EFCAB11: variants seen among roughly 807,000 people sequenced by gnomAD.
EFCAB11 encodes EF-hand calcium-binding domain-containing protein 11.
A neutral mutation model predicts 23.0 loss-of-function variants in EFCAB11; 14 were observed. The ratio of observed to expected loss-of-function variants is 0.61; its 90% CI spans 0.40 to 0.95. The LOEUF (loss-of-function observed/expected upper bound fraction) is 0.95, where lower values mean the gene tolerates loss of function less well. EFCAB11 is among the 40% of genes least tolerant of loss of function. The pLI is 0.00. For synonymous variants in EFCAB11, 65 were observed against 66.6 expected, an observed-to-expected ratio of 0.98 and a Z score of 0.11; for missense variants, 198 against 195.8, an observed-to-expected ratio of 1.01 and a Z score of -0.07.
At chr14:89,897,117 T>C (rs1889192986) in intron 5 of EFCAB11, among the ~76,000 whole-genome samples, 1 of 151,986 alleles carries the variant, frequency 6.6e-6, no homozygotes. Flanking sequence ...TCACAAAGAC[T>C]ACATACATTT....
chr14:89,924,428 A>C, intron 5 of EFCAB11: 1 of 1,341,084 alleles, frequency 7.5e-7, no homozygotes, highest in South Asian at 1.6e-5. Context: ...TTCACATTTC[A>C]TCTCATGACT....
chr14:89,856,420 G>A (rs1410415107), intron 5 of EFCAB11, among the ~76,000 whole-genome samples: 1 of 152,002 alleles, frequency 6.6e-6, no homozygotes, highest in East Asian at 1.9e-4. Flanking sequence ...GAACTCCTGA[G>A]CTCAAGCAAT....
intron 5 of EFCAB11, among the ~76,000 whole-genome samples, chr14:89,885,771 GAAAGAA>G (rs1888745681): frequency 6.7e-6 from 1 of 148,206 alleles, no homozygotes; most frequent in Non-Finnish European, 1.5e-5. Flanking sequence ...AAGAAAGAAA[GAAAGAA>G]AGAGAGAAAG....
At chr14:89,803,030 C>T (rs879526363) in intron 5 of EFCAB11, among the ~76,000 whole-genome samples, 7 of 152,144 alleles carry the variant, frequency 4.6e-5, no homozygotes, top group Non-Finnish European at 7.3e-5. Context: ...GGCAGCATCC[C>T]TGGCCTCCAC....
In EFCAB11 at chr14:89,927,965, C is replaced by T. The variant is rs970718359; in HGVS notation, c.410+3576G>A. Reference sequence around the variant, plus strand: ...CTGGAACTCCTGACTTCAGGTGATCCGCCCGCCTCGGCCTCCCAAAGTGCT... The same window carrying T: ...CTGGAACTCCTGACTTCAGGTGATCTGCCCGCCTCGGCCTCCCAAAGTGCT... On this transcript the variant is annotated intron_variant, in intron 5 of 5. Coordinates refer to ENST00000316738, the MANE Select transcript of EFCAB11 (RefSeq NM_145231.4). Among the ~76,000 whole-genome samples, 4 of 152,122 alleles carry T rather than the reference C, an allele frequency of 2.6e-5. 1 individual carries two copies. The highest frequency in any genetic ancestry group is 4.8e-5 in the African/African-American group (2 of 41,422).
intron 3 of EFCAB11, among the ~76,000 whole-genome samples, chr14:89,943,608 T>C (rs1019985619): frequency 1.3e-5 from 2 of 152,218 alleles, no homozygotes; most frequent in African/African-American, 4.8e-5. Context: ...ACATTTAATC[T>C]GCACATGTGC....
At chr14:89,865,549 T>C (rs903369484) in intron 5 of EFCAB11, among the ~76,000 whole-genome samples, 19 of 152,160 alleles carry the variant, frequency 1.2e-4, no homozygotes, top group Admixed American at 5.9e-4. Flanking sequence ...ATGCCCAGGC[T>C]GGAGTGCAGT....
At chr14:89,867,026 C>T (rs1455639707) in intron 5 of EFCAB11, among the ~76,000 whole-genome samples, 1 of 152,190 alleles carries the variant, frequency 6.6e-6, no homozygotes, top group African/African-American at 2.4e-5. Context: ...CTTGGTCTCC[C>T]AAAGTGCTGG....
intron 5 of EFCAB11, among the ~76,000 whole-genome samples, chr14:89,930,258 T>G (rs1471599264): frequency 6.6e-6 from 1 of 152,218 alleles, no homozygotes; most frequent in East Asian, 1.9e-4. Flanking sequence ...ACTGCAAATC[T>G]TCATTCAAAT....
rs181665775 is a variant in EFCAB11 at position 89,872,057 on chromosome 14, A to G, written c.410+59484T>C. On this transcript the variant is annotated intron_variant, in intron 5 of 5. Transcript: ENST00000316738. Reference sequence around the variant, plus strand: ...GTAACTGATGAAAAGGAAGATGTAAATTTTATCATCCATCCCTTTAAGAAA... The same window carrying G: ...GTAACTGATGAAAAGGAAGATGTAAGTTTTATCATCCATCCCTTTAAGAAA... Among the ~76,000 whole-genome samples the G allele has an allele frequency of 3.9e-5, 6 of 152,308 alleles. No homozygotes were observed. In the East Asian group the frequency reaches 7.7e-4, roughly 20 times the overall value.
intron 5 of EFCAB11, among the ~76,000 whole-genome samples, chr14:89,814,139 ACTTGGTGTTCAGCGCTACAACCT>A (rs527243107): frequency 2.1e-4 from 32 of 151,430 alleles, no homozygotes; most frequent in Admixed American, 1.8e-3. Flanking sequence ...ATAACTCTGA[ACTTGGTGTTCAGCGCTACAACCT>A]CTAGAGCACT....
At chr14:89,856,410 G>C (rs549807075) in intron 5 of EFCAB11, among the ~76,000 whole-genome samples, 160 of 151,988 alleles carry the variant, frequency 1.1e-3, no homozygotes, top group African/African-American at 3.7e-3. Flanking sequence ...GGCTGGTCTC[G>C]AACTCCTGAG....
At chr14:89,943,914 A>T (rs1890879162) in intron 3 of EFCAB11, among the ~76,000 whole-genome samples, 2 of 152,290 alleles carry the variant, frequency 1.3e-5, no homozygotes, top group Admixed American at 6.5e-5. Flanking sequence ...TTTCTTCCAG[A>T]ATCCATACCT....
intron 5 of EFCAB11, among the ~76,000 whole-genome samples, chr14:89,856,540 T>G (rs1370572392): frequency 6.6e-6 from 1 of 152,174 alleles, no homozygotes; most frequent in Non-Finnish European, 1.5e-5. Context: ...GCTGTACCAA[T>G]GTACATTCCC....
chr14:89,806,849 A>G (rs1219554208), intron 5 of EFCAB11, among the ~76,000 whole-genome samples: 2 of 152,332 alleles, frequency 1.3e-5, no homozygotes, highest in South Asian at 2.1e-4. Context: ...TTAGTTATAC[A>G]ACTAGTATCT....
intron 5 of EFCAB11, among the ~76,000 whole-genome samples, chr14:89,837,961 G>C (rs1317125730): frequency 6.6e-6 from 1 of 152,166 alleles, no homozygotes; most frequent in Non-Finnish European, 1.5e-5. Context: ...TTCTGAGTCT[G>C]CATTTCACAT....
intron 5 of EFCAB11, among the ~76,000 whole-genome samples, chr14:89,909,914 G>A (rs1596447860): frequency 6.6e-6 from 1 of 152,236 alleles, no homozygotes; most frequent in Admixed American, 6.5e-5. Flanking sequence ...CAGGTCTCAC[G>A]CCGGCTATCA....
At chr14:89,914,196 C>G (rs139736812) in intron 5 of EFCAB11, among the ~76,000 whole-genome samples, 1 of 152,296 alleles carries the variant, frequency 6.6e-6, no homozygotes, top group Non-Finnish European at 1.5e-5. Flanking sequence ...TTTACAAAAT[C>G]CTTGTGGAAC....
chr14:89,918,351 C>A (rs1889916275), intron 5 of EFCAB11, among the ~76,000 whole-genome samples: 1 of 151,992 alleles, frequency 6.6e-6, no homozygotes, highest in Admixed American at 6.5e-5. Flanking sequence ...CCAGCCTGAC[C>A]AACATGGTGA....
Sources: gnomAD v4.1 joint callset for allele counts (sites outside exome capture counted in the v4.1 genomes callset) on GRCh38, gnomAD v4.1.1 for gene constraint, MANE v1.5 for transcripts, NCBI Gene and HGNC (gene_info 2026-07-23, HGNC 2026-07-21) for gene names.